Variants in MANBA observed in about 807,000 individuals in gnomAD.
MANBA encodes the protein mannosidase beta.
A neutral mutation model predicts 111.1 loss-of-function variants in MANBA; 83 were observed. The ratio of observed to expected loss-of-function variants is 0.75; its 90% CI spans 0.63 to 0.90. MANBA has a LOEUF of 0.90. Among genes scored for constraint, MANBA ranks in the 40% least tolerant of loss-of-function variants. The probability of loss-of-function intolerance (pLI) is 0.00; values close to 1 mark genes in which losing one functional copy is unlikely to be tolerated. For missense variants in MANBA, 1,036 were observed against 1,069.0 expected, an observed-to-expected ratio of 0.97 and a Z score of 0.43; for synonymous variants, 370 against 378.7, an observed-to-expected ratio of 0.98 and a Z score of 0.27.
At chr4:102,699,490 G>A (rs1240589900) in intron 5 of MANBA, among the ~76,000 whole-genome samples, 9 of 150,570 alleles carry the variant, frequency 6.0e-5, no homozygotes, top group African/African-American at 2.2e-4. Context: ...TATTGGCTGT[G>A]GGTTTGTCAT....
In MANBA at chr4:102,650,591, G is replaced by T. The variant is rs972345236; in HGVS notation, c.1815C>A (p.Leu605=). The change falls in exon 13 of 17, where the codon CTC becomes CTA. Residue 605 remains leucine, a synonymous_variant. Transcript: ENST00000647097. ...TGCGTAATGGATCTGTGCTTTGGGGGAGTTTGAAATGAAGTCCAGCCTGAT... is the reference window on the plus strand; with the variant it reads ...TGCGTAATGGATCTGTGCTTTGGGGTAGTTTGAAATGAAGTCCAGCCTGAT... ...MLYQAGLHFK[L]PQSTDPLRTF... 6.2e-7 allele frequency: 1 copy of T among 1,613,516 alleles called. No homozygotes were observed. Among genetic ancestry groups the T allele is most frequent in the Non-Finnish European group, 8.5e-7 (1 of 1,179,476 alleles).
chr4:102,644,313 AT>A (rs1461318107), intron 13 of MANBA, among the ~76,000 whole-genome samples: 1 of 152,194 alleles, frequency 6.6e-6, no homozygotes, highest in Non-Finnish European at 1.5e-5. Flanking sequence ...TGAAATCAGT[AT>A]GTTGAAGAGA....
At chr4:102,652,195 A>G (rs1310626027) in intron 12 of MANBA, among the ~76,000 whole-genome samples, 1 of 152,150 alleles carries the variant, frequency 6.6e-6, no homozygotes, top group African/African-American at 2.4e-5. Context: ...ACCAGAACTT[A>G]TTCTTCCCAT....
chr4:102,664,487 T>C (rs1460266454), intron 11 of MANBA, among the ~76,000 whole-genome samples, 198 bp downstream of exon 11: 1 of 152,164 alleles, frequency 6.6e-6, no homozygotes, highest in Non-Finnish European at 1.5e-5. Context: ...TAGCTGGGAC[T>C]ACAGGCGCCC....
In MANBA at chr4:102,631,947, C is replaced by G. The variant is rs527530668; in HGVS notation, c.*110G>C. Reference sequence around the variant, plus strand: ...GCAATCGCTCAAATGCGTGGCAGCACGCAGACATGTCTCTCGGCTTCTCTC... The same window carrying G: ...GCAATCGCTCAAATGCGTGGCAGCAGGCAGACATGTCTCTCGGCTTCTCTC... On this transcript the variant is annotated 3_prime_UTR_variant, in exon 17 of 17. Coordinates refer to ENST00000647097, the MANE Select transcript of MANBA (RefSeq NM_005908.4). 1.1e-6 allele frequency: 1 copy of G among 940,526 alleles called. No individual in the cohort carries two copies. The highest frequency in any genetic ancestry group is 1.6e-5 in the African/African-American group (1 of 61,558). 58.3% of individuals were successfully genotyped at this position (940,526 alleles called of 1,614,324 possible).
rs1304682427 is a variant in MANBA, at chr4:102,722,910, A to T, written c.510T>A (p.Leu170=). Residue 170 remains leucine (L), a synonymous_variant, in exon 4 of 17, where the codon CTT becomes CTA. Coordinates refer to ENST00000647097, the MANE Select transcript of MANBA (RefSeq NM_005908.4). ...TGACATGGCATTCACCCTTCTGCAC[A>T]AGTGGAGGGCAGTCTGGGGGAACCT... ...RYQVPPDCPP[L]VQKGECHVNF... is the part of the protein sequence containing the mutation. 3 of 1,614,044 alleles carry T rather than the reference A, an allele frequency of 1.9e-6. No homozygotes were observed. The highest frequency in any genetic ancestry group is 2.7e-5 in the African/African-American group (2 of 74,926).
chr4:102,737,047 C>A (rs139049716), intron 1 of MANBA, among the ~76,000 whole-genome samples: 1 of 152,116 alleles, frequency 6.6e-6, no homozygotes, highest in African/African-American at 2.4e-5. Flanking sequence ...AAAGAAGCAC[C>A]GGAAAGAGCG....
In MANBA at chr4:102,635,704, T is replaced by C. The variant is rs3733202; in HGVS notation, c.2157+161A>G. Among the ~76,000 whole-genome samples the C allele has an allele frequency of 0.53, 81,267 of 152,050 alleles. 22,014 individuals carry two copies. The highest frequency in any genetic ancestry group is 0.61 in the Admixed American group (9,344 of 15,292). On this transcript the variant is annotated intron_variant, in intron 15 of 16. Transcript: ENST00000647097. The stretch of plus-strand genomic sequence containing the variant: ...TGAATCAACAAGATGTGAAGGGTTT[T>C]GCTTATGGTCACATGATTAATGGCA...
At chr4:102,673,797 A>G (rs914653355) in intron 8 of MANBA, 122 bp downstream of exon 8, 9 of 889,554 alleles carry the variant, frequency 1.0e-5, no homozygotes, top group Non-Finnish European at 1.5e-5. Context: ...TCCATCGTCT[A>G]GAATTCTATA....
intron 1 of MANBA, among the ~76,000 whole-genome samples, chr4:102,726,912 G>C (rs903141522): frequency 2.6e-5 from 4 of 152,130 alleles, no homozygotes; most frequent in African/African-American, 9.7e-5. Flanking sequence ...AAATAATACA[G>C]CTTCATTATC....
intron 1 of MANBA, among the ~76,000 whole-genome samples, chr4:102,759,027 T>C (rs112630569): frequency 2.0e-5 from 3 of 152,334 alleles, no homozygotes; most frequent in African/African-American, 7.2e-5. Context: ...TTTCATTAAG[T>C]ATCTGTTGTA....
intron 5 of MANBA, among the ~76,000 whole-genome samples, chr4:102,691,574 T>C (rs911408243): frequency 1.3e-5 from 2 of 151,020 alleles, no homozygotes; most frequent in Non-Finnish European, 3.0e-5. Flanking sequence ...CACACAATCA[T>C]AGCTCACTGT....
At chr4:102,644,235 C>CAAACTAAAA (rs1730003789) in intron 13 of MANBA, among the ~76,000 whole-genome samples, 1 of 152,018 alleles carries the variant, frequency 6.6e-6, no homozygotes, top group Non-Finnish European at 1.5e-5. Context: ...GGAGGCTTCC[C>CAAACTAAAA]AAACTATTAA....
At chr4:102,729,340 G>T in intron 1 of MANBA, 1 of 757,124 alleles carries the variant, frequency 1.3e-6, no homozygotes. Flanking sequence ...CATGCTCTCA[G>T]CCTTGGCCTG....
chr4:102,632,152 T>C lies in MANBA; in HGVS notation c.2545A>G (p.Lys849Glu). ...FSDNGFLMTEKTRTILFYPWE... is the reference protein window; with the variant it reads ...FSDNGFLMTEETRTILFYPWE... ...GGGTAAAATAATATAGTTCGTGTCT[T>C]CTCAGTCATGAGGAAACCATTGTCA... Residue 849 changes from lysine (K) to glutamate (E), a missense_variant, in exon 17 of 17, where the codon AAG (lysine) becomes GAG (glutamate). Lys to Glu is a moderately conservative substitution (Grantham distance 56). Coordinates refer to ENST00000647097, the MANE Select transcript of MANBA (RefSeq NM_005908.4). The C allele has an allele frequency of 6.2e-7, 1 of 1,613,476 alleles. No homozygotes were observed. Among genetic ancestry groups the C allele is most frequent in the Non-Finnish European group, 8.5e-7 (1 of 1,179,438 alleles).
rs573099639 is a variant in MANBA at position 102,643,200 on chromosome 4, T to C, written c.1870-3343A>G. Among the ~76,000 whole-genome samples, 22 of 152,334 alleles carry C rather than the reference T, an allele frequency of 1.4e-4. No homozygotes were observed. The East Asian group carries it at 3.7e-3, about 25-fold the overall frequency. On this transcript the variant is annotated intron_variant, in intron 13 of 16. Coordinates refer to ENST00000647097, the MANE Select transcript of MANBA (RefSeq NM_005908.4). Reference sequence around the variant, plus strand: ...GCCTATTCCGGACATTTCACATAAATGGAATGATAAAATATGTGGCTTCTG... The same window carrying C: ...GCCTATTCCGGACATTTCACATAAACGGAATGATAAAATATGTGGCTTCTG...
chr4:102,663,389 T>C (rs534571295), intron 11 of MANBA, among the ~76,000 whole-genome samples: 5 of 152,266 alleles, frequency 3.3e-5, no homozygotes, highest in Admixed American at 3.3e-4. Flanking sequence ...CACTATGCTA[T>C]AAAATGAAAA....
intron 7 of MANBA, among the ~76,000 whole-genome samples, chr4:102,684,511 G>A (rs1216632563): frequency 6.6e-6 from 1 of 152,198 alleles, no homozygotes; most frequent in Non-Finnish European, 1.5e-5. Context: ...AATGTTCACA[G>A]CAGCATTACT....
At chr4:102,656,214 A>G (rs1228451037) in intron 12 of MANBA, among the ~76,000 whole-genome samples, 1 of 152,178 alleles carries the variant, frequency 6.6e-6, no homozygotes, top group Non-Finnish European at 1.5e-5. Flanking sequence ...TGACCACTCC[A>G]CTGCACACCA....
Sources: allele counts gnomAD v4.1 joint callset (sites outside exome capture counted in the v4.1 genomes callset), GRCh38; gene constraint gnomAD v4.1.1; transcripts MANE v1.5; gene names NCBI Gene and HGNC (gene_info 2026-07-23, HGNC 2026-07-21).